The following LRRTM4 variants were observed in gnomAD, a reference collection of about 807,000 sequenced individuals.
LRRTM4 encodes leucine rich repeat transmembrane neuronal 4.
In LRRTM4, 25 loss-of-function variants were observed where a neutral mutation model predicts 47.6. That is an observed-to-expected ratio of 0.53 (90% confidence interval 0.38 to 0.73). LRRTM4 has a LOEUF of 0.73. Among genes scored for constraint, LRRTM4 ranks in the 30% least tolerant of loss-of-function variants. LRRTM4 has a pLI of 0.00. For synonymous variants in LRRTM4, 311 were observed against 269.5 expected, an observed-to-expected ratio of 1.15 and a Z score of -1.51; for missense variants, 638 against 713.4, an observed-to-expected ratio of 0.89 and a Z score of 1.20.
In LRRTM4 at chr2:77,058,095, A is replaced by G. The variant is rs185507996; in HGVS notation, c.1552-309179T>C. 4.9e-3 allele frequency among the ~76,000 whole-genome samples: 752 copies of G among 152,206 alleles called. 9 individuals carry two copies. Among genetic ancestry groups the G allele is most frequent in the Non-Finnish European group, 6.3e-3 (425 of 68,000 alleles). On this transcript the variant is annotated intron_variant, in intron 3 of 3. Coordinates refer to ENST00000409884, the MANE Select transcript of LRRTM4 (RefSeq NM_001134745.3). ...CACCTTATGGGAACATTTCATGGTA[A>G]TGTCTATTTTTTCTAGCCCTGATTC... is the stretch of plus-strand genomic sequence containing the variant.
chr2:77,512,103 G>C (rs1169993934), intron 3 of LRRTM4, among the ~76,000 whole-genome samples: 6 of 152,068 alleles, frequency 3.9e-5, no homozygotes, highest in African/African-American at 1.4e-4. Context: ...GACTACAGGT[G>C]TACCATATTA....
At chr2:77,360,532 G>A (rs58501931) in intron 3 of LRRTM4, among the ~76,000 whole-genome samples, 2,013 of 102,776 alleles carry the variant, frequency 0.02, 10 homozygotes, top group African/African-American at 0.026. Context: ...GATACGATAC[G>A]ATACAATACA....
intron 3 of LRRTM4, among the ~76,000 whole-genome samples, chr2:76,955,903 C>A (rs562445479): frequency 6.6e-6 from 1 of 151,604 alleles, no homozygotes; most frequent in East Asian, 2.0e-4. Flanking sequence ...GTGATAGCAG[C>A]CCAAACTGAC....
intron 3 of LRRTM4, among the ~76,000 whole-genome samples, chr2:77,168,437 AATT>A (rs1672951978): frequency 6.6e-6 from 1 of 152,084 alleles, no homozygotes; most frequent in African/African-American, 2.4e-5. Context: ...TATACATAAT[AATT>A]ATACATATTT....
At chr2:76,816,563 T>G (rs1045576527) in intron 3 of LRRTM4, among the ~76,000 whole-genome samples, 1 of 151,864 alleles carries the variant, frequency 6.6e-6, no homozygotes, top group African/African-American at 2.4e-5. Flanking sequence ...TATTTTTTAT[T>G]TTTTTATTTT....
At chr2:76,892,500 T>A (rs1673287097) in intron 3 of LRRTM4, among the ~76,000 whole-genome samples, 1 of 151,726 alleles carries the variant, frequency 6.6e-6, no homozygotes, top group South Asian at 2.1e-4. Context: ...TAAGGCATAG[T>A]TTCTCCTAAT....
intron 3 of LRRTM4, among the ~76,000 whole-genome samples, chr2:77,069,083 C>CAT (rs1261262206): frequency 1.3e-5 from 2 of 152,130 alleles, no homozygotes; most frequent in Non-Finnish European, 2.9e-5. Flanking sequence ...GACTGGCTTG[C>CAT]TGTTAATAAA....
chr2:77,028,130 T>C (rs1188654244), intron 3 of LRRTM4, among the ~76,000 whole-genome samples: 13 of 152,140 alleles, frequency 8.5e-5, no homozygotes, highest in African/African-American at 2.9e-4. Flanking sequence ...AGGCTCTATA[T>C]GGACAAAAAT....
intron 3 of LRRTM4, among the ~76,000 whole-genome samples, chr2:76,868,464 G>T (rs1379237589): frequency 6.6e-6 from 1 of 152,074 alleles, no homozygotes; most frequent in African/African-American, 2.4e-5. Flanking sequence ...AATGTTCTTT[G>T]TACACTGTTC....
chr2:76,811,416 A>G (rs1454653249), intron 3 of LRRTM4, among the ~76,000 whole-genome samples: 1 of 152,184 alleles, frequency 6.6e-6, no homozygotes, highest in Non-Finnish European at 1.5e-5. Context: ...GTGAGCAAGG[A>G]CAAAACAACA....
chr2:77,384,434 A>C (rs992274970), intron 3 of LRRTM4, among the ~76,000 whole-genome samples: 6 of 151,874 alleles, frequency 4.0e-5, no homozygotes, highest in African/African-American at 1.4e-4. Flanking sequence ...GAAATAAGAA[A>C]ATGTGTGTTT....
chr2:77,324,696 T>G (rs577849156), intron 3 of LRRTM4, among the ~76,000 whole-genome samples: 1 of 152,256 alleles, frequency 6.6e-6, no homozygotes, highest in East Asian at 1.9e-4. Flanking sequence ...TATACTACAT[T>G]TTGTTGGCCA....
intron 3 of LRRTM4, among the ~76,000 whole-genome samples, chr2:76,948,399 T>A (rs572598631): frequency 6.6e-6 from 1 of 152,026 alleles, no homozygotes; most frequent in South Asian, 2.1e-4. Flanking sequence ...TTTCTTTCAT[T>A]GAAATGTGTT....
intron 3 of LRRTM4, among the ~76,000 whole-genome samples, chr2:76,999,119 G>A (rs1466525169): frequency 1.3e-5 from 2 of 151,870 alleles, no homozygotes; most frequent in African/African-American, 2.4e-5. Flanking sequence ...TAGTGTGTGT[G>A]CATCATGGAT....
intron 3 of LRRTM4, among the ~76,000 whole-genome samples, chr2:77,112,712 T>G (rs906201430): frequency 3.3e-5 from 5 of 151,986 alleles, no homozygotes; most frequent in African/African-American, 1.2e-4. Context: ...ACAATCATCC[T>G]ACCAAAGTAC....
chr2:76,831,621 T>C (rs1671354196), intron 3 of LRRTM4, among the ~76,000 whole-genome samples: 1 of 152,120 alleles, frequency 6.6e-6, no homozygotes, highest in African/African-American at 2.4e-5. Context: ...TGTAATGACT[T>C]GAAATGGTTT....
At chr2:76,795,833 C>G (rs1024479908) in intron 3 of LRRTM4, among the ~76,000 whole-genome samples, 1 of 152,064 alleles carries the variant, frequency 6.6e-6, no homozygotes, top group Non-Finnish European at 1.5e-5. Context: ...CAAATAGGAA[C>G]AGCTCCTGTC....
intron 3 of LRRTM4, among the ~76,000 whole-genome samples, chr2:77,231,639 C>A (rs1040983095): frequency 6.6e-6 from 1 of 152,042 alleles, no homozygotes; most frequent in African/African-American, 2.4e-5. Context: ...GAAATTCATT[C>A]TTTTATTCAT....
intron 3 of LRRTM4, among the ~76,000 whole-genome samples, chr2:77,192,775 T>A (rs568622308): frequency 1.3e-5 from 2 of 152,332 alleles, no homozygotes; most frequent in South Asian, 2.1e-4. Context: ...TGAAATTTAC[T>A]GTGTGCTTCA....
Sources: allele counts gnomAD v4.1 joint callset (sites outside exome capture counted in the v4.1 genomes callset), GRCh38; gene constraint gnomAD v4.1.1; transcripts MANE v1.5; gene names NCBI Gene and HGNC (gene_info 2026-07-23, HGNC 2026-07-21).